NXPH1: variants seen among roughly 807,000 people sequenced by gnomAD.
NXPH1 encodes the protein neurexophilin-1.
NXPH1 carries 5 observed loss-of-function variants against 23.7 expected under a neutral mutation model. That is an observed-to-expected ratio of 0.21 (90% CI 0.11 to 0.44). The LOEUF is 0.44. Among genes scored for constraint, NXPH1 ranks in the 20% least tolerant of loss-of-function variants. NXPH1 has a pLI of 0.99. For missense variants in NXPH1, 324 were observed against 321.6 expected, an observed-to-expected ratio of 1.01 and a Z score of -0.06; for synonymous variants, 144 against 122.2, an observed-to-expected ratio of 1.18 and a Z score of -1.18.
intron 2 of NXPH1, among the ~76,000 whole-genome samples, chr7:8,512,555 G>A (rs920842322): frequency 2.0e-5 from 3 of 152,096 alleles, no homozygotes; most frequent in South Asian, 2.1e-4. Flanking sequence ...TTAGTGGTTC[G>A]TATTTGAATC....
rs76798091 is a variant in NXPH1 at position 8,551,102 on chromosome 7, G to A, written c.54+115335G>A. Among the ~76,000 whole-genome samples the A allele has an allele frequency of 8.6e-3, 1,299 of 151,516 alleles. 21 individuals carry two copies. Among genetic ancestry groups the A allele is most frequent in the African/African-American group, 0.03 (1,223 of 41,424 alleles). On this transcript the variant is annotated intron_variant, in intron 2 of 2. Coordinates refer to ENST00000405863, the MANE Select transcript of NXPH1 (RefSeq NM_152745.3). ...TAGTTTTTTAAAAATTCTATCAGCT[G>A]TGCAAAAGGATGTCTGTCTCATGAG... is the stretch of plus-strand genomic sequence containing the variant.
In NXPH1 at chr7:8,488,065, G is replaced by A. The variant is rs533010813; in HGVS notation, c.54+52298G>A. ...AGATTATAAGCCAGTTTAGGGCAAAGTCTTTACTCATTATTTTGTCTTCCA... is the reference window on the plus strand; with the variant it reads ...AGATTATAAGCCAGTTTAGGGCAAAATCTTTACTCATTATTTTGTCTTCCA... On this transcript the variant is annotated intron_variant, in intron 2 of 2. Transcript: ENST00000405863. Among the ~76,000 whole-genome samples, 48 of 152,232 alleles carry A rather than the reference G, an allele frequency of 3.2e-4. No individual in the cohort carries two copies. In the South Asian group the frequency reaches 3.9e-3, roughly 12 times the overall value.
intron 2 of NXPH1, among the ~76,000 whole-genome samples, chr7:8,497,681 T>C (rs944909779): frequency 3.9e-5 from 6 of 152,222 alleles, no homozygotes; most frequent in Non-Finnish European, 7.3e-5. Flanking sequence ...TATCTGCTCA[T>C]ATCCTTCCCC....
intron 2 of NXPH1, among the ~76,000 whole-genome samples, chr7:8,544,541 A>G (rs941245703): frequency 4.0e-4 from 60 of 151,794 alleles, no homozygotes; most frequent in African/African-American, 1.3e-3. Context: ...CATCATAGGC[A>G]TATGCCATAA....
At chr7:8,692,822 G>T (rs1412234928) in intron 2 of NXPH1, among the ~76,000 whole-genome samples, 1 of 152,162 alleles carries the variant, frequency 6.6e-6, no homozygotes, top group Non-Finnish European at 1.5e-5. Flanking sequence ...AAGGGATGCT[G>T]TGTGTAAGTA....
chr7:8,635,853 C>G (rs1042884966), intron 2 of NXPH1, among the ~76,000 whole-genome samples: 2 of 152,028 alleles, frequency 1.3e-5, no homozygotes, highest in African/African-American at 4.8e-5. Context: ...ATAGTTTGCC[C>G]ATTTGTTTCA....
chr7:8,439,544 G>A (rs1408017037), intron 2 of NXPH1, among the ~76,000 whole-genome samples: 2 of 152,192 alleles, frequency 1.3e-5, no homozygotes, highest in Non-Finnish European at 2.9e-5. Context: ...TAATGAGAAG[G>A]GGTCCCACCA....
At chr7:8,587,196 G>C (rs1409963633) in intron 2 of NXPH1, among the ~76,000 whole-genome samples, 1 of 152,036 alleles carries the variant, frequency 6.6e-6, no homozygotes, top group African/African-American at 2.4e-5. Flanking sequence ...TTTGAAAATA[G>C]TGGCTGTGCA....
At chr7:8,721,091 C>A (rs1023254570) in intron 2 of NXPH1, among the ~76,000 whole-genome samples, 1 of 152,090 alleles carries the variant, frequency 6.6e-6, no homozygotes, top group African/African-American at 2.4e-5. Flanking sequence ...GGTAATATAT[C>A]AAGGTTAAAT....
At chr7:8,703,341 C>T (rs1779656705) in intron 2 of NXPH1, among the ~76,000 whole-genome samples, 1 of 152,124 alleles carries the variant, frequency 6.6e-6, no homozygotes, top group South Asian at 2.1e-4. Flanking sequence ...TTCATGCTTT[C>T]TCAGTCCCCT....
intron 2 of NXPH1, among the ~76,000 whole-genome samples, chr7:8,488,951 G>A (rs1020201558): frequency 6.6e-6 from 1 of 152,104 alleles, no homozygotes. Flanking sequence ...TTTGAATTCT[G>A]CAGTAAGTTC....
chr7:8,606,619 G>T (rs1053057625), intron 2 of NXPH1, among the ~76,000 whole-genome samples: 10 of 149,168 alleles, frequency 6.7e-5, no homozygotes, highest in African/African-American at 2.5e-4. Context: ...CCCTCCTTTT[G>T]TACTGGGCAA....
chr7:8,724,687 ACTTAAGACTTGGCT>A (rs1780020619), intron 2 of NXPH1, among the ~76,000 whole-genome samples: 1 of 152,172 alleles, frequency 6.6e-6, no homozygotes, highest in African/African-American at 2.4e-5. Context: ...GGAACTGTTT[ACTTAAGACTTGGCT>A]CTTTTTGTTA....
At chr7:8,462,708 A>G (rs12056019) in intron 2 of NXPH1, among the ~76,000 whole-genome samples, 65,509 of 152,136 alleles carry the variant, frequency 0.43, 14,307 homozygotes, top group East Asian at 0.63. Context: ...TCAAAACAAC[A>G]TGTTGTACAT....
At chr7:8,535,380 A>T (rs1818012103) in intron 2 of NXPH1, among the ~76,000 whole-genome samples, 1 of 152,114 alleles carries the variant, frequency 6.6e-6, no homozygotes, top group African/African-American at 2.4e-5. Context: ...TTCCAATTTA[A>T]GCCCTTGATG....
chr7:8,612,145 C>G (rs1193949240), intron 2 of NXPH1, among the ~76,000 whole-genome samples: 1 of 151,126 alleles, frequency 6.6e-6, no homozygotes, highest in Non-Finnish European at 1.5e-5. Context: ...TTCCCTTCCC[C>G]TTCTTTCCTT....
intron 2 of NXPH1, among the ~76,000 whole-genome samples, chr7:8,547,004 A>C (rs1562398332): frequency 6.6e-6 from 1 of 151,456 alleles, no homozygotes; most frequent in Non-Finnish European, 1.5e-5. Context: ...ATGGGTCAGC[A>C]AATTGGGAAG....
At chr7:8,648,952 T>G (rs1820441009) in intron 2 of NXPH1, among the ~76,000 whole-genome samples, 1 of 151,924 alleles carries the variant, frequency 6.6e-6, no homozygotes, top group South Asian at 2.1e-4. Flanking sequence ...GTGAGATGAC[T>G]CTTTTTCCAA....
chr7:8,684,691 C>T (rs951850554), intron 2 of NXPH1, among the ~76,000 whole-genome samples: 17 of 152,026 alleles, frequency 1.1e-4, no homozygotes, highest in Admixed American at 7.9e-4. Flanking sequence ...ATTCTAAAAC[C>T]AACTTTTGAC....
Sources: gnomAD v4.1 joint callset for allele counts (sites outside exome capture counted in the v4.1 genomes callset) on GRCh38, gnomAD v4.1.1 for gene constraint, MANE v1.5 for transcripts, NCBI Gene and HGNC (gene_info 2026-07-23, HGNC 2026-07-21) for gene names.